Variants in DOP1B observed in about 807,000 individuals in gnomAD.
The protein encoded by DOP1B is protein DOP1B.
Under a neutral mutation model 233.5 loss-of-function variants are expected in DOP1B, and 174 were observed. The observed-to-expected ratio is 0.75, with a 90% CI of 0.66 to 0.85. DOP1B has a LOEUF of 0.85. Ranked by LOEUF, DOP1B falls within the 40% of genes least tolerant of loss-of-function variation. The probability of loss-of-function intolerance (pLI) is 0.00; values close to 1 mark genes in which losing one functional copy is unlikely to be tolerated. For missense variants in DOP1B, 2,652 were observed against 2,846.6 expected (o/e 0.93, Z 1.56); for synonymous variants, 1,190 against 1,185.6 (o/e 1.00, Z -0.08).
In DOP1B at chr21:36,245,934, C is replaced by T. The variant is rs1266669814; in HGVS notation, c.3954C>T (p.Leu1318=). ...HSLLLELLTY[L]CLSFLRSYYP... is the part of the protein sequence containing the mutation. ...TGCTCCTGGAGCTGCTCACCTACCT[C>T]TGCCTGAGCTTCCTGCGCTCCTACT... Residue 1318 remains leucine, a synonymous_variant, in exon 19 of 37, where the codon CTC becomes CTT. Transcript: ENST00000691173. The surrounding 1 kb of genome is among the most constrained non-coding windows in gnomAD (Gnocchi z 5.5). 3 of 1,613,896 alleles carry T rather than the reference C, an allele frequency of 1.9e-6. No individual in the cohort carries two copies. The highest frequency in any genetic ancestry group is 2.5e-6 in the Non-Finnish European group (3 of 1,180,036).
At chr21:36,267,897 A>T (rs2067249091) in intron 26 of DOP1B, among the ~76,000 whole-genome samples, 1 of 152,110 alleles carries the variant, frequency 6.6e-6, no homozygotes, top group African/African-American at 2.4e-5. Flanking sequence ...GTAGGTACAG[A>T]GATCACATGC....
In DOP1B at chr21:36,211,610, C is replaced by G. The variant is rs1279014974; in HGVS notation, c.739C>G (p.Leu247Val). ...AAATGTTCTTGTGCAAAGAAATAAT[C>G]TGGAAATCGTTCTGTTTTTCTTCCC... ...DSNVLVQRNNLEIVLFFFPFY... is the reference protein window; with the variant it reads ...DSNVLVQRNNVEIVLFFFPFY... Residue 247 changes from leucine (L) to valine (V), a missense_variant, in exon 6 of 37, where the codon CTG becomes GTG. Around this residue, in one of 3 missense-constraint regions of DOP1B, gnomAD observed 2,617 missense variants for 2,794.3 expected, o/e 0.94. Transcript: ENST00000691173. 1.9e-6 allele frequency: 3 copies of G among 1,613,994 alleles called. No homozygotes were observed. The highest frequency in any genetic ancestry group is 1.3e-5 in the African/African-American group (1 of 74,914).
At chr21:36,199,043 A>C in intron 2 of DOP1B, 27 bp from the exon 3 acceptor site, 1 of 1,600,222 alleles carries the variant, frequency 6.2e-7, no homozygotes, top group Non-Finnish European at 8.5e-7. Flanking sequence ...CTTCTTCCTC[A>C]TGTGTTTTTT....
intron 1 of DOP1B, chr21:36,164,388 G>T (rs112231256): frequency 9.3e-4 from 152 of 163,120 alleles, no homozygotes; most frequent in Non-Finnish European, 1.6e-3. Context: ...TAAAATTACC[G>T]GCTGGCAACA....
intron 22 of DOP1B, 106 bp from the exon 23 acceptor site, chr21:36,253,666 A>T: frequency 3.2e-6 from 4 of 1,235,134 alleles, no homozygotes; most frequent in South Asian, 1.6e-5. Context: ...ATGAAAACAG[A>T]TTGATTTCTC....
chr21:36,225,784 C>T, intron 12 of DOP1B, 117 bp downstream of exon 12: 1 of 1,020,484 alleles, frequency 9.8e-7, no homozygotes, highest in South Asian at 1.5e-5. Context: ...ATATGCAACA[C>T]TGTTTTGATG....
intron 2 of DOP1B, among the ~76,000 whole-genome samples, chr21:36,175,213 C>T (rs1047288961): frequency 3.3e-5 from 5 of 151,834 alleles, no homozygotes; most frequent in South Asian, 4.2e-4. Context: ...CAGATTCAAG[C>T]GATTCTTCTG....
At chr21:36,277,576 C>T (rs916401169) in intron 28 of DOP1B, among the ~76,000 whole-genome samples, 1 of 152,088 alleles carries the variant, frequency 6.6e-6, no homozygotes, top group African/African-American at 2.4e-5. Context: ...CCACCGCTCC[C>T]AGCCATAACT....
chr21:36,236,257 G>A (rs1364577424), intron 15 of DOP1B, among the ~76,000 whole-genome samples: 1 of 152,236 alleles, frequency 6.6e-6, no homozygotes, highest in Non-Finnish European at 1.5e-5. Context: ...GTAGCCCTTT[G>A]CAGACCATGC....
At position 36,293,545 on chromosome 21, in the gene DOP1B, G is replaced by T. The variant is rs1328376638; in HGVS notation, c.6871G>T (p.Asp2291Tyr). 1 of 1,613,938 alleles carries T rather than the reference G, an allele frequency of 6.2e-7. No homozygotes were observed. Among genetic ancestry groups the T allele is most frequent in the Non-Finnish European group, 8.5e-7 (1 of 1,179,978 alleles). ...LKQLEECIEY[D>Y]FLEHPEC ...ACAACTGGAAGAATGCATCGAATAT[G>T]ATTTTCTGGAACATCCAGAATGTTA... The change falls in exon 37 of 37, where the codon GAT becomes TAT. Residue 2291 changes from aspartate (D) to tyrosine (Y), a missense_variant. Physicochemically the swap from Asp to Tyr is radical, Grantham distance 160 (BLOSUM62 -3). This residue lies in a region of DOP1B where 31 missense variants were observed against 34.2 expected (regional missense o/e 0.91). Coordinates refer to ENST00000691173, the MANE Select transcript of DOP1B (RefSeq NM_001320714.2).
chr21:36,274,971 A>G (rs1438545595), intron 27 of DOP1B, among the ~76,000 whole-genome samples: 1 of 143,190 alleles, frequency 7.0e-6, no homozygotes, highest in African/African-American at 2.6e-5. Flanking sequence ...CAGCCTCCCA[A>G]GTAGCTGGGA....
intron 1 of DOP1B, among the ~76,000 whole-genome samples, chr21:36,157,546 A>G (rs373525912): frequency 9.9e-4 from 150 of 152,062 alleles, no homozygotes; most frequent in African/African-American, 3.5e-3. Flanking sequence ...GTTGCCTTAC[A>G]CTCGCGACTG....
chr21:36,278,222 C>T lies in DOP1B; in HGVS notation c.5836C>T (p.Pro1946Ser), dbSNP rs1342206493. The T allele has an allele frequency of 6.2e-7, 1 of 1,614,044 alleles. No homozygotes were observed. The highest frequency in any genetic ancestry group is 1.1e-5 in the South Asian group (1 of 91,066). Residue 1946 changes from proline to serine, a missense_variant, in exon 30 of 37, where the codon CCC (proline) becomes TCC (serine). Coordinates refer to ENST00000691173, the MANE Select transcript of DOP1B (RefSeq NM_001320714.2). ...ACTCCCACTCAGTGCCTACAATGCTCCCAGCTTCCGGGCTGGCGCTCAGCT... is the reference window on the plus strand; with the variant it reads ...ACTCCCACTCAGTGCCTACAATGCTTCCAGCTTCCGGGCTGGCGCTCAGCT... ...YLRNHSAYNA[P>S]SFRAGAQLLS...
chr21:36,265,471 G>A (rs1474601891), intron 26 of DOP1B, among the ~76,000 whole-genome samples: 1 of 152,220 alleles, frequency 6.6e-6, no homozygotes. Context: ...CTTTGGCCTT[G>A]ACTTGTAGCC....
intron 4 of DOP1B, among the ~76,000 whole-genome samples, chr21:36,200,972 T>G (rs1199059867): frequency 2.0e-5 from 3 of 152,154 alleles, no homozygotes; most frequent in Non-Finnish European, 2.9e-5. Context: ...CTCTCTTGTC[T>G]CTTTACCAAA....
chr21:36,254,482 A>G (rs973215515), intron 23 of DOP1B, among the ~76,000 whole-genome samples: 2 of 152,106 alleles, frequency 1.3e-5, no homozygotes. Flanking sequence ...TGCTCAGTCC[A>G]TAGATGTGAT....
chr21:36,253,707 A>G, intron 22 of DOP1B, 65 bp from the exon 23 acceptor site: 2 of 1,543,786 alleles, frequency 1.3e-6, no homozygotes, highest in East Asian at 2.3e-5. Flanking sequence ...TACAATAAGG[A>G]TGTGTCATCC....
At chr21:36,201,349 T>TTTTTTTC (rs1245380582) in intron 4 of DOP1B, among the ~76,000 whole-genome samples, 5 of 134,806 alleles carry the variant, frequency 3.7e-5, no homozygotes, top group African/African-American at 1.4e-4. Flanking sequence ...TGGATTCTTT[T>TTTTTTTC]TTTTTTTTTT....
intron 14 of DOP1B, among the ~76,000 whole-genome samples, chr21:36,231,994 C>T (rs375682714): frequency 2.1e-4 from 32 of 152,012 alleles, no homozygotes; most frequent in Admixed American, 1.8e-3. Context: ...TACAGGCACA[C>T]GCCACCACAC....
Sources: allele counts gnomAD v4.1 joint callset (sites outside exome capture counted in the v4.1 genomes callset), GRCh38; gene constraint gnomAD v4.1.1; regional missense constraint gnomAD v4.1.1; non-coding constraint Gnocchi (gnomAD v3.1); transcripts MANE v1.5; gene names NCBI Gene and HGNC (gene_info 2026-07-23, HGNC 2026-07-21).